The following PRKN variants were observed in gnomAD, a reference collection of about 807,000 sequenced individuals.
PRKN encodes the protein parkin RBR E3 ubiquitin protein ligase.
Under a neutral mutation model 59.5 loss-of-function variants are expected in PRKN, and 56 were observed. That is an observed-to-expected ratio of 0.94 (90% CI 0.76 to 1.18). PRKN has a LOEUF of 1.18. PRKN is among the 50% of genes most tolerant of loss of function. PRKN has a pLI of 0.00. For synonymous variants in PRKN, 250 were observed against 222.1 expected (o/e 1.13, Z -1.12); for missense variants, 657 against 596.4 (o/e 1.10, Z -1.06).
chr6:162,553,720 T>C (rs577064269), intron 1 of PRKN, among the ~76,000 whole-genome samples: 340 of 144,168 alleles, frequency 2.4e-3, no homozygotes, highest in Non-Finnish European at 4.0e-3. Flanking sequence ...GGAGAATCTC[T>C]TGAACTTGGA....
intron 6 of PRKN, among the ~76,000 whole-genome samples, chr6:161,795,732 C>T (rs3016554): frequency 1.3e-5 from 2 of 151,896 alleles, no homozygotes; most frequent in African/African-American, 4.8e-5. Context: ...AATAAGAGGC[C>T]ACTCAGTCCA....
At chr6:161,515,490 C>T (rs1778555036) in intron 9 of PRKN, among the ~76,000 whole-genome samples, 1 of 152,064 alleles carries the variant, frequency 6.6e-6, no homozygotes, top group Non-Finnish European at 1.5e-5. Context: ...TTGTGGGATG[C>T]TTAGGCTATG....
intron 7 of PRKN, among the ~76,000 whole-genome samples, chr6:161,655,229 T>C (rs1264726608): frequency 1.2e-3 from 135 of 111,456 alleles, no homozygotes; most frequent in Middle Eastern, 0.018. Context: ...GGTGCCCAGT[T>C]ACAGAGGCAT....
intron 4 of PRKN, among the ~76,000 whole-genome samples, chr6:162,152,563 A>G (rs1782318377): frequency 4.6e-5 from 7 of 152,212 alleles, no homozygotes. Context: ...TACTGCAGGA[A>G]CACAATATAA....
chr6:161,622,124 T>C (rs977199440), intron 7 of PRKN, among the ~76,000 whole-genome samples: 1 of 152,022 alleles, frequency 6.6e-6, no homozygotes, highest in South Asian at 2.1e-4. Context: ...TCATGGTGAG[T>C]GAGAGGAGGG....
At chr6:161,758,446 T>C (rs926861922) in intron 7 of PRKN, among the ~76,000 whole-genome samples, 1 of 152,128 alleles carries the variant, frequency 6.6e-6, no homozygotes, top group African/African-American at 2.4e-5. Context: ...CAAAATAATT[T>C]TGCTGTATCA....
chr6:161,809,833 G>C (rs529569575), intron 6 of PRKN, among the ~76,000 whole-genome samples: 1 of 152,280 alleles, frequency 6.6e-6, no homozygotes, highest in African/African-American at 2.4e-5. Context: ...CTACATTTCT[G>C]TTAAACTGGC....
intron 7 of PRKN, among the ~76,000 whole-genome samples, chr6:161,619,690 G>C (rs948613518): frequency 2.6e-5 from 4 of 152,112 alleles, no homozygotes; most frequent in African/African-American, 9.7e-5. Context: ...GGGTCTCTGA[G>C]ACAGCAGAGT....
intron 2 of PRKN, among the ~76,000 whole-genome samples, chr6:162,382,688 C>G (rs542969995): frequency 6.6e-6 from 1 of 152,252 alleles, no homozygotes; most frequent in African/African-American, 2.4e-5. Flanking sequence ...TATAAAAAGA[C>G]AACAGTGAAG....
At chr6:162,386,873 C>T (rs1032695914) in intron 2 of PRKN, among the ~76,000 whole-genome samples, 3 of 152,192 alleles carry the variant, frequency 2.0e-5, no homozygotes, top group East Asian at 1.9e-4. Context: ...ACTAAGCAGA[C>T]GCAGAAGTCA....
At chr6:162,019,659 T>C (rs1458068388) in intron 5 of PRKN, among the ~76,000 whole-genome samples, 1 of 152,184 alleles carries the variant, frequency 6.6e-6, no homozygotes, top group Non-Finnish European at 1.5e-5. Context: ...GGTCCACGCT[T>C]TGTTAGCACA....
At chr6:162,081,853 A>C (rs1384830781) in intron 4 of PRKN, among the ~76,000 whole-genome samples, 1 of 152,080 alleles carries the variant, frequency 6.6e-6, no homozygotes, top group Admixed American at 6.5e-5. Flanking sequence ...TACTGTGGCC[A>C]CCTTCATCAT....
intron 1 of PRKN, among the ~76,000 whole-genome samples, chr6:162,447,527 A>G (rs1790377426): frequency 6.6e-6 from 1 of 152,196 alleles, no homozygotes; most frequent in Non-Finnish European, 1.5e-5. Context: ...AACAAAAAAC[A>G]TAATGAGATA....
chr6:162,068,897 G>T (rs2187208), intron 4 of PRKN, among the ~76,000 whole-genome samples: 1 of 151,262 alleles, frequency 6.6e-6, no homozygotes, highest in African/African-American at 2.4e-5. Flanking sequence ...ATTAGGAGAA[G>T]GAGCTTTCAT....
At chr6:162,238,808 T>C (rs1046374987) in intron 3 of PRKN, among the ~76,000 whole-genome samples, 16 of 152,166 alleles carry the variant, frequency 1.1e-4, no homozygotes, top group African/African-American at 3.4e-4. Flanking sequence ...GGAGGTACAA[T>C]GTGCCAGGCA....
intron 4 of PRKN, among the ~76,000 whole-genome samples, chr6:162,079,861 T>C (rs1245227255): frequency 6.6e-6 from 1 of 152,132 alleles, no homozygotes; most frequent in Non-Finnish European, 1.5e-5. Context: ...AGTAATGCAT[T>C]TACAGTTAGT....
At chr6:161,996,538 G>A (rs553556213) in intron 5 of PRKN, among the ~76,000 whole-genome samples, 2 of 151,974 alleles carry the variant, frequency 1.3e-5, no homozygotes, top group African/African-American at 2.4e-5. Context: ...ATTAATTTGC[G>A]TCTTTATTTT....
intron 2 of PRKN, among the ~76,000 whole-genome samples, chr6:162,357,588 T>C (rs546029331): frequency 2.6e-5 from 4 of 152,302 alleles, no homozygotes; most frequent in East Asian, 3.9e-4. Context: ...GGCAGTTTCT[T>C]ACAAAACTAA....
chr6:161,836,028 T>A (rs1008117033), intron 6 of PRKN, among the ~76,000 whole-genome samples: 1 of 152,322 alleles, frequency 6.6e-6, no homozygotes, highest in African/African-American at 2.4e-5. Flanking sequence ...GCCAGAAAGA[T>A]GACAGGCTTT....
Sources: allele counts gnomAD v4.1 joint callset (sites outside exome capture counted in the v4.1 genomes callset), GRCh38; gene constraint gnomAD v4.1.1; transcripts MANE v1.5; gene names NCBI Gene and HGNC (gene_info 2026-07-23, HGNC 2026-07-21).